The following MTCL3 variants were observed in gnomAD, a reference collection of about 807,000 sequenced individuals.
MTCL3 encodes microtubule cross-linking factor 3.
the MTCL3 span, chr6:127,516,622 A>T: frequency 1.9e-6 from 3 of 1,594,840 alleles, no homozygotes; most frequent in Non-Finnish European, 2.5e-6. Context: ...CATGGCTATG[A>T]ACCTACCAGA....
the MTCL3 span, among the ~76,000 whole-genome samples, chr6:127,481,075 T>C: frequency 2.0e-5 from 3 of 152,234 alleles, no homozygotes; most frequent in Non-Finnish European, 4.4e-5. Flanking sequence ...AAGTTGTGGA[T>C]GTTTTTGCAG....
the MTCL3 span, chr6:127,516,541 G>A: frequency 3.8e-6 from 6 of 1,599,008 alleles, no homozygotes; most frequent in Admixed American, 5.0e-5. Context: ...GTGCAGACGA[G>A]CCTCAGTGGC....
At chr6:127,490,044 C>A in the MTCL3 span, among the ~76,000 whole-genome samples, 3 of 152,118 alleles carry the variant, frequency 2.0e-5, no homozygotes, top group Admixed American at 1.3e-4. Flanking sequence ...TTGTTGGGTG[C>A]CAAAATAGCT....
the MTCL3 span, among the ~76,000 whole-genome samples, chr6:127,516,976 CAG>C: frequency 3.9e-5 from 6 of 151,998 alleles, no homozygotes; most frequent in Admixed American, 1.3e-4. Context: ...GGGTGAGATA[CAG>C]AGTCAGACAG....
the MTCL3 span, chr6:127,516,150 C>G: frequency 2.8e-6 from 4 of 1,445,972 alleles, no homozygotes; most frequent in South Asian, 2.9e-5. Flanking sequence ...CCCCGAGTTT[C>G]GAGGGCACGG....
the MTCL3 span, among the ~76,000 whole-genome samples, chr6:127,489,391 G>C: frequency 6.6e-6 from 1 of 152,184 alleles, no homozygotes; most frequent in East Asian, 1.9e-4. Context: ...CAAGTGAAAA[G>C]AAGAGTCATA....
At chr6:127,490,293 C>T in the MTCL3 span, among the ~76,000 whole-genome samples, 2 of 152,180 alleles carry the variant, frequency 1.3e-5, no homozygotes, top group Non-Finnish European at 2.9e-5. Context: ...CTTGGTCAAA[C>T]AGGAGCTCTG....
the MTCL3 span, among the ~76,000 whole-genome samples, chr6:127,477,592 G>A: frequency 1.3e-5 from 2 of 152,166 alleles, no homozygotes; most frequent in East Asian, 1.9e-4. Context: ...TGGTGAGAAG[G>A]TGAGGAGAAT....
the MTCL3 span, among the ~76,000 whole-genome samples, chr6:127,481,015 A>G: frequency 1.3e-5 from 2 of 152,198 alleles, no homozygotes; most frequent in East Asian, 1.9e-4. Context: ...GGTAGATTGC[A>G]TAGCATCTTG....
At chr6:127,483,044 T>G in the MTCL3 span, 1 of 1,387,100 alleles carries the variant, frequency 7.2e-7, no homozygotes. Context: ...CAATTTTATG[T>G]TTTTAAGTAT....
chr6:127,484,270 T>G, the MTCL3 span, among the ~76,000 whole-genome samples: 1 of 152,202 alleles, frequency 6.6e-6, no homozygotes, highest in Admixed American at 6.5e-5. Context: ...AGGGGAATAC[T>G]TTGGTGCAAC....
the MTCL3 span, chr6:127,475,642 G>A: frequency 6.3e-7 from 1 of 1,596,676 alleles, no homozygotes. The surrounding 1 kb of genome is among the most constrained non-coding windows in gnomAD (Gnocchi z 7.3). Context: ...GAAGGAGCGA[G>A]TGGGCGTGAG....
chr6:127,516,382 T>C, the MTCL3 span: 35 of 1,600,800 alleles, frequency 2.2e-5, no homozygotes, highest in Admixed American at 4.5e-4. Context: ...CTGCTGTTGC[T>C]GCTGCTGCAG....
At chr6:127,475,647 C>A in the MTCL3 span, 1 of 1,594,350 alleles carries the variant, frequency 6.3e-7, no homozygotes, top group South Asian at 1.1e-5. This position sits in a 1 kb window ranked among gnomAD's most constrained non-coding sequence, Gnocchi z 7.3. Context: ...AGCGAGTGGG[C>A]GTGAGGCAGC....
At chr6:127,507,861 A>G in the MTCL3 span, among the ~76,000 whole-genome samples, 7,712 of 147,450 alleles carry the variant, frequency 0.052, 297 homozygotes, top group East Asian at 0.093. Context: ...AAAAAAAAAA[A>G]AAAAAAAAAG....
chr6:127,516,281 C>A, the MTCL3 span: 1 of 1,521,546 alleles, frequency 6.6e-7, no homozygotes, highest in African/African-American at 1.4e-5. Context: ...GGAGCGGCCC[C>A]TTTGGGCGCC....
the MTCL3 span, among the ~76,000 whole-genome samples, chr6:127,493,768 T>A: frequency 6.6e-6 from 1 of 152,270 alleles, no homozygotes; most frequent in Non-Finnish European, 1.5e-5. Context: ...CTCTAAAAAC[T>A]GATACAATGC....
chr6:127,501,171 G>C, the MTCL3 span, among the ~76,000 whole-genome samples: 1 of 152,042 alleles, frequency 6.6e-6, no homozygotes, highest in Non-Finnish European at 1.5e-5. Flanking sequence ...AATTGTACAT[G>C]TATTACAGAA....
At chr6:127,493,412 G>T in the MTCL3 span, among the ~76,000 whole-genome samples, 1 of 152,200 alleles carries the variant, frequency 6.6e-6, no homozygotes, top group African/African-American at 2.4e-5. Flanking sequence ...AAGGAAAGTT[G>T]ATTGGCAATT....
Sources: gnomAD v4.1 joint callset for allele counts (sites outside exome capture counted in the v4.1 genomes callset) on GRCh38, gnomAD v4.1.1 for gene constraint, Gnocchi (gnomAD v3.1) non-coding constraint, MANE v1.5 for transcripts, NCBI Gene and HGNC (gene_info 2026-07-23, HGNC 2026-07-21) for gene names.